The following LINGO2 variants were observed in gnomAD, a reference collection of about 807,000 sequenced individuals.
LINGO2 encodes the protein leucine-rich repeat and immunoglobulin-like domain-containing nogo receptor-interacting protein 2.
LINGO2 carries 14 observed loss-of-function variants against 30.6 expected under a neutral mutation model. That is an observed-to-expected ratio of 0.46 (90% CI 0.30 to 0.72). The LOEUF is 0.72. LINGO2 is among the 30% of genes least tolerant of loss of function. The probability of loss-of-function intolerance (pLI) is 0.07; values close to 1 mark genes in which losing one functional copy is unlikely to be tolerated. For synonymous variants in LINGO2, 317 were observed against 288.5 expected, an observed-to-expected ratio of 1.10 and a Z score of -1.00; for missense variants, 729 against 751.7, an observed-to-expected ratio of 0.97 and a Z score of 0.35.
intron 4 of LINGO2, among the ~76,000 whole-genome samples, chr9:28,059,543 C>T (rs1825077319): frequency 6.6e-6 from 1 of 152,112 alleles, no homozygotes; most frequent in Non-Finnish European, 1.5e-5. Flanking sequence ...GTAACCAGTG[C>T]TATTCTTCAC....
chr9:28,249,624 A>T (rs1353853719), intron 4 of LINGO2, among the ~76,000 whole-genome samples: 1 of 152,174 alleles, frequency 6.6e-6, no homozygotes, highest in Admixed American at 6.5e-5. Context: ...AACCTCCTAA[A>T]GCCCAACCTT....
At chr9:28,701,537 T>G in the LINGO2 span, among the ~76,000 whole-genome samples, 1 of 152,178 alleles carries the variant, frequency 6.6e-6, no homozygotes, top group African/African-American at 2.4e-5. Context: ...AATACCACAC[T>G]GTTTGGTTAC....
At chr9:28,320,381 T>C (rs1824994957) in intron 3 of LINGO2, among the ~76,000 whole-genome samples, 1 of 152,142 alleles carries the variant, frequency 6.6e-6, no homozygotes, top group Admixed American at 6.6e-5. Context: ...TATTTAAGCA[T>C]TAGTGAGACA....
At chr9:28,735,579 G>A in the LINGO2 span, among the ~76,000 whole-genome samples, 3 of 151,912 alleles carry the variant, frequency 2.0e-5, no homozygotes, top group Non-Finnish European at 4.4e-5. Flanking sequence ...ACAATGGTTA[G>A]GTAATCCCAT....
the LINGO2 span, among the ~76,000 whole-genome samples, chr9:28,718,486 T>C: frequency 6.6e-6 from 1 of 152,078 alleles, no homozygotes; most frequent in Admixed American, 6.6e-5. Flanking sequence ...GGGCCTATCA[T>C]GGCCTGATTA....
At chr9:28,506,485 C>G (rs370165592) in intron 1 of LINGO2, among the ~76,000 whole-genome samples, 20 of 73,234 alleles carry the variant, frequency 2.7e-4, no homozygotes, top group South Asian at 4.5e-4. Flanking sequence ...CACACATACA[C>G]ATACACACAC....
At chr9:29,126,250 TAA>T in the LINGO2 span, among the ~76,000 whole-genome samples, 7,963 of 152,150 alleles carry the variant, frequency 0.052, 244 homozygotes, top group Admixed American at 0.083. Flanking sequence ...ACAATGTGGT[TAA>T]GTGTCAGATC....
At chr9:28,209,030 C>T (rs1260945237) in intron 4 of LINGO2, among the ~76,000 whole-genome samples, 4 of 151,880 alleles carry the variant, frequency 2.6e-5, no homozygotes, top group Non-Finnish European at 5.9e-5. Context: ...GCATGTGTTC[C>T]GTATGTCATA....
chr9:28,049,196 T>C (rs568825977), intron 4 of LINGO2, among the ~76,000 whole-genome samples: 4 of 150,906 alleles, frequency 2.7e-5, no homozygotes, highest in African/African-American at 9.8e-5. Context: ...CCCATAGTCA[T>C]CCCTTGTACT....
the LINGO2 span, among the ~76,000 whole-genome samples, chr9:29,185,150 CAG>C: frequency 6.6e-6 from 1 of 152,076 alleles, no homozygotes; most frequent in Admixed American, 6.5e-5. Context: ...CTCTATTCCA[CAG>C]AGTGTCTCAT....
chr9:29,113,992 C>A, the LINGO2 span, among the ~76,000 whole-genome samples: 1 of 151,202 alleles, frequency 6.6e-6, no homozygotes, highest in African/African-American at 2.4e-5. Context: ...GAAAGGAATT[C>A]TTTTCCACAA....
At chr9:28,212,370 G>A (rs1247406659) in intron 4 of LINGO2, among the ~76,000 whole-genome samples, 1 of 151,370 alleles carries the variant, frequency 6.6e-6, no homozygotes, top group Admixed American at 6.6e-5. Context: ...GAGGGGCAGA[G>A]TTAGGATTTG....
chr9:28,046,824 G>A (rs1321185052), intron 4 of LINGO2, among the ~76,000 whole-genome samples: 1 of 152,080 alleles, frequency 6.6e-6, no homozygotes, highest in African/African-American at 2.4e-5. Context: ...CATTGTTGAT[G>A]TTGATCCACT....
chr9:28,663,435 T>C (rs2136017341), intron 1 of LINGO2, among the ~76,000 whole-genome samples: 1 of 152,244 alleles, frequency 6.6e-6, no homozygotes, highest in East Asian at 1.9e-4. Context: ...TCTCCAAAAG[T>C]GCTGGGATTA....
At chr9:28,818,030 C>T in the LINGO2 span, among the ~76,000 whole-genome samples, 78 of 152,174 alleles carry the variant, frequency 5.1e-4, no homozygotes, top group African/African-American at 1.6e-3. Context: ...CAGTCTGAGA[C>T]GAATGATACT....
intron 5 of LINGO2, among the ~76,000 whole-genome samples, chr9:28,007,906 A>G (rs755487627): frequency 4.6e-5 from 7 of 152,152 alleles, no homozygotes; most frequent in African/African-American, 1.7e-4. Flanking sequence ...GTGTCACTCA[A>G]ACAAGCCTAA....
At chr9:28,071,789 T>C (rs1825485741) in intron 4 of LINGO2, among the ~76,000 whole-genome samples, 2 of 152,126 alleles carry the variant, frequency 1.3e-5, no homozygotes, top group Admixed American at 6.6e-5. Context: ...CTCTTCATTC[T>C]AACAATAAAT....
chr9:27,976,489 T>C (rs1820601364), intron 5 of LINGO2, among the ~76,000 whole-genome samples: 1 of 152,116 alleles, frequency 6.6e-6, no homozygotes, highest in Non-Finnish European at 1.5e-5. Flanking sequence ...GCTATAATTT[T>C]ATATGCCAGG....
At chr9:29,111,862 T>TATATATGTGTGTATATATACATATATTA in the LINGO2 span, among the ~76,000 whole-genome samples, 1 of 150,558 alleles carries the variant, frequency 6.6e-6, no homozygotes, top group Non-Finnish European at 1.5e-5. Context: ...TATGTTCATG[T>TATATATGTGTGTATATATACATATATTA]ATATATGTGT....
Sources: gnomAD v4.1 joint callset for allele counts (sites outside exome capture counted in the v4.1 genomes callset) on GRCh38, gnomAD v4.1.1 for gene constraint, MANE v1.5 for transcripts, NCBI Gene and HGNC (gene_info 2026-07-23, HGNC 2026-07-21) for gene names.